Variants in TTN observed in about 807,000 individuals in gnomAD.
The protein encoded by TTN is connectin.
A neutral mutation model predicts 3,223.0 loss-of-function variants in TTN; 1,525 were observed. The ratio of observed to expected loss-of-function variants is 0.47; its 90% CI spans 0.45 to 0.49. The LOEUF (loss-of-function observed/expected upper bound fraction) is 0.49. Among genes scored for constraint, TTN ranks in the 20% least tolerant of loss-of-function variants. The probability of loss-of-function intolerance (pLI) is 0.00; values close to 1 mark genes in which losing one functional copy is unlikely to be tolerated. For synonymous variants in TTN, 14,094 were observed against 15,161.0 expected, an observed-to-expected ratio of 0.93 and a Z score of 5.17; for missense variants, 40,786 against 43,424.0, an observed-to-expected ratio of 0.94 and a Z score of 5.40.
At chr2:178,633,113 G>T in intron 233 of TTN, 69 bp from the exon 234 acceptor site, 2 of 1,599,030 alleles carry the variant, frequency 1.3e-6, no homozygotes, top group Admixed American at 1.7e-5. Flanking sequence ...AAATCATCAA[G>T]ATATTTTATG....
chr2:178,531,264 TTTTTCTTCCA>T lies in TTN; in HGVS notation c.105341_105350del (p.Leu35114HisfsTer16), dbSNP rs750313189. ...TCGTCTTGATCTTTCTGGTTGTGGA[TTTTTCTTCCA>T]GTGACTTTTCTTCTAATGCAGCACT... On this transcript the variant is annotated frameshift_variant, in exon 358 of 363. Transcript: ENST00000589042. LOFTEE classifies it high-confidence loss of function. 1 of 1,613,972 alleles carries T rather than the reference TTTTTCTTCCA, an allele frequency of 6.2e-7. No homozygotes were observed. The highest frequency in any genetic ancestry group is 1.1e-5 in the South Asian group (1 of 91,084).
chr2:178,705,220 G>A lies in TTN; in HGVS notation c.29558C>T (p.Ala9853Val), dbSNP rs2075666752. 2.5e-6 allele frequency: 4 copies of A among 1,613,590 alleles called. No homozygotes were observed. The highest frequency in any genetic ancestry group is 1.1e-5 in the South Asian group (1 of 91,042). ...GITDFRGLLQ[A>V]FELLKQSQEE... ...TTGGCTTTGCTTGAGCAGTTCAAATGCTTGAAGAAGACCTCGGAAGTCAGT... is the reference window on the plus strand; with the variant it reads ...TTGGCTTTGCTTGAGCAGTTCAAATACTTGAAGAAGACCTCGGAAGTCAGT... The change falls in exon 103 of 363, where the codon GCA becomes GTA. Residue 9853 changes from alanine to valine, a missense_variant. Transcript: ENST00000589042.
rs1340162231 is a variant in TTN at position 178,719,561 on chromosome 2, A to T, written c.23931T>A (p.His7977Gln). 1.2e-6 allele frequency: 2 copies of T among 1,604,024 alleles called. No individual in the cohort carries two copies. The highest frequency in any genetic ancestry group is 1.7e-6 in the Non-Finnish European group (2 of 1,172,964). ...VGKSNCTVSV[H>Q]VSDRIVPPSF... ...AAATCTCATTCTACTCACCAGAAAC[A>T]TGGACGGATACAGTGCAGTTACTTT... Residue 7977 changes from histidine to glutamine, a missense_variant, in exon 82 of 363, where the codon CAT becomes CAA. Transcript: ENST00000589042.
chr2:178,552,437 A>G lies in TTN; in HGVS notation c.90463T>C (p.Tyr30155His). The change falls in exon 335 of 363, where the codon TAT (tyrosine) becomes CAT (histidine). Residue 30155 changes from tyrosine (Y) to histidine (H), a missense_variant. By Grantham distance (83) the Tyr-to-His change is moderately conservative (BLOSUM62 2). Coordinates refer to ENST00000589042, the MANE Select transcript of TTN (RefSeq NM_001267550.2). The part of the protein sequence containing the change: ...IGHNVHLELP[Y>H]KGKPKPSISW... Reference sequence around the variant, plus strand: ...ATGGATGGTTTGGGTTTTCCCTTATAAGGTAATTCAAGGTGCACATTGTGC... The same window carrying G: ...ATGGATGGTTTGGGTTTTCCCTTATGAGGTAATTCAAGGTGCACATTGTGC... 2 of 1,602,260 alleles carry G rather than the reference A, an allele frequency of 1.2e-6. No individual in the cohort carries two copies. The highest frequency in any genetic ancestry group is 1.3e-5 in the African/African-American group (1 of 74,840).
At position 178,675,080 on chromosome 2, in the gene TTN, C is replaced by G; in HGVS notation, c.34571G>C (p.Arg11524Pro). The G allele has an allele frequency of 6.4e-7, 1 of 1,558,740 alleles. No individual in the cohort carries two copies. Among genetic ancestry groups the G allele is most frequent in the Non-Finnish European group, 8.6e-7 (1 of 1,158,550 alleles). ...PEVPKKVEEK[R>P]IILPKEEEVL... ...TTCCTCTTCTTTAGGGAGAATGATT[C>G]GTTTTTCTTCCACCTTCTTAGGCAC... The change falls in exon 150 of 363, where the codon CGA becomes CCA. Residue 11524 changes from arginine (R) to proline (P), a missense_variant. By Grantham distance (103) the Arg-to-Pro change is moderately radical. Transcript: ENST00000589042.
chr2:178,727,995 G>A, intron 67 of TTN, 115 bp downstream of exon 67: 1 of 1,410,126 alleles, frequency 7.1e-7, no homozygotes. Context: ...CAATGAATAT[G>A]TATCTAAAGA....
At chr2:178,612,601 AT>A in intron 265 of TTN, 25 bp from the exon 266 acceptor site, 2 of 1,569,214 alleles carry the variant, frequency 1.3e-6, no homozygotes, top group Non-Finnish European at 1.7e-6. Flanking sequence ...AGGAAAACAA[AT>A]TCATTTTTTT....
intron 47 of TTN, chr2:178,744,299 G>A (rs2083039941): frequency 2.3e-6 from 2 of 856,724 alleles, no homozygotes; most frequent in African/African-American, 3.7e-5. Context: ...CAAAATTAAA[G>A]TTTATTCTAA....
At chr2:178,633,082 C>A (rs776355301) in intron 233 of TTN, 38 bp from the exon 234 acceptor site, 1 of 1,605,664 alleles carries the variant, frequency 6.2e-7, no homozygotes, top group East Asian at 2.2e-5. Flanking sequence ...GAAAGAACAT[C>A]ATTTATATAG....
intron 294 of TTN, among the ~76,000 whole-genome samples, chr2:178,596,186 T>A (rs2051563193): frequency 6.6e-6 from 1 of 151,958 alleles, no homozygotes; most frequent in East Asian, 2.0e-4. Context: ...AGACAGGGTT[T>A]CACCATGTTG....
rs1188741659 is a variant in TTN at position 178,556,874 on chromosome 2, C to G, written c.88280G>C (p.Gly29427Ala). ...GSISNPSEVV[G>A]PITCIDSYGG... Reference sequence around the variant, plus strand: ...ATAAGAATCGATGCAAGTAATGGGCCCTACAACCTCAGATGGATTGCTAAT... The same window carrying G: ...ATAAGAATCGATGCAAGTAATGGGCGCTACAACCTCAGATGGATTGCTAAT... Residue 29427 changes from glycine (G) to alanine (A), a missense_variant, in exon 330 of 363, where the codon GGG (glycine) becomes GCG (alanine). Transcript: ENST00000589042. The G allele has an allele frequency of 6.2e-7, 1 of 1,613,656 alleles. No homozygotes were observed. Among genetic ancestry groups the G allele is most frequent in the East Asian group, 2.2e-5 (1 of 44,816 alleles).
rs369993514 is a variant in TTN, at chr2:178,725,432, C to T, written c.20772G>A (p.Lys6924=). The T allele has an allele frequency of 2.4e-4, 391 of 1,611,552 alleles. No individual in the cohort carries two copies. The highest frequency in any genetic ancestry group is 3.2e-4 in the Non-Finnish European group (382 of 1,178,716). ...FAKAEPANAG[K]YICQIKNDGG... is the part of the protein sequence containing the mutation. ...CATCATTCTTGATTTGGCAGATATA[C>T]TTTCCAGCATTAGCTGGCTCTGCTT... The change falls in exon 71 of 363, where the codon AAG becomes AAA. Residue 6924 remains lysine, a synonymous_variant. Coordinates refer to ENST00000589042, the MANE Select transcript of TTN (RefSeq NM_001267550.2).
At position 178,639,803 on chromosome 2, in the gene TTN, C is replaced by CTAT. The variant is rs2060984305; in HGVS notation, c.40787-16_40787-15insATA. 6.4e-7 allele frequency: 1 copy of CTAT among 1,565,674 alleles called. No individual in the cohort carries two copies. Among genetic ancestry groups the CTAT allele is most frequent in the Admixed American group, 2.0e-5 (1 of 50,522 alleles). On this transcript the variant is annotated splice_polypyrimidine_tract_variant and intron_variant, in intron 222 of 362. Coordinates refer to ENST00000589042, the MANE Select transcript of TTN (RefSeq NM_001267550.2). ...TGTTTTCACTTCTGTAGAGAGAAGT[C>CTAT]CATTGCATTAGTGTATCAATTTGTC... is the stretch of plus-strand genomic sequence containing the variant.
chr2:178,530,976 C>T lies in TTN; in HGVS notation c.105639G>A (p.Glu35213=). The T allele has an allele frequency of 1.2e-6, 2 of 1,613,994 alleles. No homozygotes were observed. The highest frequency in any genetic ancestry group is 4.5e-5 in the East Asian group (2 of 44,886). Reference sequence around the variant, plus strand: ...TGGCCTTTTGAATAGTCAGAGTGAACTCTGCTTCTTGTTTCCCTTCACTGT... The same window carrying T: ...TGGCCTTTTGAATAGTCAGAGTGAATTCTGCTTCTTGTTTCCCTTCACTGT... ...VENSEGKQEA[E]FTLTIQKARV... is the part of the protein sequence containing the mutation. Residue 35213 remains glutamate (E), a synonymous_variant, in exon 358 of 363, where the codon GAG becomes GAA. Coordinates refer to ENST00000589042, the MANE Select transcript of TTN (RefSeq NM_001267550.2).
At chr2:178,630,634 G>A (rs1459485179) in intron 238 of TTN, among the ~76,000 whole-genome samples, 170 bp downstream of exon 238, 1 of 152,070 alleles carries the variant, frequency 6.6e-6, no homozygotes, top group Non-Finnish European at 1.5e-5. Flanking sequence ...AGTAATGCAA[G>A]TGTGCCAGTC....
Position 178,548,676 on chromosome 2 carries a change from C to T in TTN, c.92950G>A (p.Glu30984Lys), listed in dbSNP as rs775878805. ...CCTGCATCATTTCTGTTGCAGTTTT[C>T]CACAGTGAGGGTGCTGAAGGAATCT... is the stretch of plus-strand genomic sequence containing the variant. ...TTDSFSTLTV[E>K]NCNRNDAGKY... is the part of the protein sequence containing the mutation. The change falls in exon 339 of 363, where the codon GAA (glutamate) becomes AAA (lysine). Residue 30984 changes from glutamate to lysine, a missense_variant. Physicochemically the swap from Glu to Lys is moderately conservative, Grantham distance 56 (BLOSUM62 1). Coordinates refer to ENST00000589042, the MANE Select transcript of TTN (RefSeq NM_001267550.2). This position sits in a 1 kb window ranked among gnomAD's most constrained non-coding sequence, Gnocchi z 4.3. The T allele has an allele frequency of 3.1e-6, 5 of 1,613,870 alleles. No individual in the cohort carries two copies. In the South Asian group the frequency reaches 5.5e-5, roughly 18 times the overall value.
At chr2:178,536,905 C>T in intron 356 of TTN, 33 bp downstream of exon 356, 8 of 1,521,218 alleles carry the variant, frequency 5.3e-6, no homozygotes, top group South Asian at 4.0e-5. Flanking sequence ...GGAACTTTAC[C>T]ATAGGAAGAT....
chr2:178,688,334 G>GC, intron 126 of TTN, 110 bp from the exon 127 acceptor site: 1 of 968,748 alleles, frequency 1.0e-6, no homozygotes, highest in Non-Finnish European at 1.6e-6. Context: ...TTAGGACATA[G>GC]CTTCATGGTA....
rs369604317 is a variant in TTN at position 178,621,278 on chromosome 2, C to T, written c.45440G>A (p.Ser15147Asn). The T allele has an allele frequency of 5.6e-6, 9 of 1,612,088 alleles. No individual in the cohort carries two copies. The highest frequency in any genetic ancestry group is 7.6e-6 in the Non-Finnish European group (9 of 1,179,104). ...ATCCCTCTTCCACTGGACTGGAAAG[C>T]TTTCTTTTGATATAGAGCAGACAAA... ...AEFVCSISKESFPVQWKRDDK... is the reference protein window; with the variant it reads ...AEFVCSISKENFPVQWKRDDK... The change falls in exon 246 of 363, where the codon AGC (serine) becomes AAC (asparagine). Residue 15147 changes from serine (S) to asparagine (N), a missense_variant. Physicochemically the swap from Ser to Asn is conservative, Grantham distance 46. Transcript: ENST00000589042.
Sources: allele counts gnomAD v4.1 joint callset (sites outside exome capture counted in the v4.1 genomes callset), GRCh38; gene constraint gnomAD v4.1.1; non-coding constraint Gnocchi (gnomAD v3.1); transcripts MANE v1.5; gene names NCBI Gene and HGNC (gene_info 2026-07-23, HGNC 2026-07-21).